GRID1: variants seen among roughly 807,000 people sequenced by gnomAD.
GRID1 encodes glutamate receptor ionotropic, delta-1.
GRID1 carries 28 observed loss-of-function variants against 98.0 expected under a neutral mutation model. That is an observed-to-expected ratio of 0.29 (90% CI 0.21 to 0.39). The LOEUF (loss-of-function observed/expected upper bound fraction) is 0.39. Ranked by LOEUF, GRID1 falls within the 10% of genes least tolerant of loss-of-function variation. GRID1 has a pLI of 1.00. For synonymous variants in GRID1, 553 were observed against 538.5 expected, an observed-to-expected ratio of 1.03 and a Z score of -0.37; for missense variants, 1,111 against 1,340.5, an observed-to-expected ratio of 0.83 and a Z score of 2.67.
intron 8 of GRID1, among the ~76,000 whole-genome samples, chr10:85,829,728 A>C (rs991478248): frequency 1.3e-5 from 2 of 152,118 alleles, no homozygotes; most frequent in Non-Finnish European, 2.9e-5. Context: ...AAATACCTAG[A>C]AATAAAGCTA....
At chr10:85,969,692 C>G (rs1842382897) in intron 4 of GRID1, among the ~76,000 whole-genome samples, 1 of 151,898 alleles carries the variant, frequency 6.6e-6, no homozygotes, top group Non-Finnish European at 1.5e-5. Context: ...GTGACAAAAG[C>G]AGTGCCTAGA....
At chr10:86,117,600 CA>C (rs1844603161) in intron 4 of GRID1, among the ~76,000 whole-genome samples, 1 of 151,790 alleles carries the variant, frequency 6.6e-6, no homozygotes. Context: ...ACATCATTAT[CA>C]TCACCACTAT....
chr10:85,667,326 G>C (rs924416402), intron 12 of GRID1, among the ~76,000 whole-genome samples: 1 of 151,934 alleles, frequency 6.6e-6, no homozygotes, highest in African/African-American at 2.4e-5. Context: ...CAGAGAGAGA[G>C]AGAGAGAGAG....
At chr10:85,969,969 A>G (rs1842385933) in intron 4 of GRID1, among the ~76,000 whole-genome samples, 1 of 152,010 alleles carries the variant, frequency 6.6e-6, no homozygotes, top group South Asian at 2.1e-4. Context: ...TAAAAATTAT[A>G]GAAGATTCAA....
chr10:86,279,936 G>A (rs537272391), intron 2 of GRID1, among the ~76,000 whole-genome samples: 171 of 152,308 alleles, frequency 1.1e-3, no homozygotes, highest in Non-Finnish European at 1.6e-3. Context: ...GGGTGCAGCA[G>A]CTCATGCCTC....
chr10:85,671,831 C>T (rs967542900), intron 12 of GRID1, among the ~76,000 whole-genome samples: 1 of 152,170 alleles, frequency 6.6e-6, no homozygotes, highest in Admixed American at 6.5e-5. Flanking sequence ...AGCAAAAGAG[C>T]CTTATTACTG....
chr10:86,247,798 C>A (rs1433045852), intron 2 of GRID1, among the ~76,000 whole-genome samples: 2 of 152,152 alleles, frequency 1.3e-5, no homozygotes, highest in Non-Finnish European at 2.9e-5. Context: ...CAGCCATGAA[C>A]TAGAGAGGGG....
intron 4 of GRID1, among the ~76,000 whole-genome samples, chr10:86,031,100 G>T (rs576554868): frequency 6.6e-6 from 1 of 152,112 alleles, no homozygotes; most frequent in African/African-American, 2.4e-5. Context: ...GGAGACCTTC[G>T]TTTCCACAGA....
At chr10:85,890,517 A>G (rs1414781770) in intron 5 of GRID1, among the ~76,000 whole-genome samples, 1 of 152,238 alleles carries the variant, frequency 6.6e-6, no homozygotes. Flanking sequence ...TCTTTTGGTC[A>G]TTCACTGTAT....
rs934014910 is a variant in GRID1, at chr10:85,917,632, C to T, written c.727-1393G>A. Among the ~76,000 whole-genome samples the T allele has an allele frequency of 6.6e-5, 10 of 152,342 alleles. No homozygotes were observed. In the South Asian group the frequency reaches 1.0e-3, roughly 16 times the overall value. On this transcript the variant is annotated intron_variant, in intron 4 of 15. Transcript: ENST00000327946. Reference sequence around the variant, plus strand: ...CCCAACAAATGAGGCATGGAGGTGTCGGGGCCTGTGCCAACGACCCCACAA... The same window carrying T: ...CCCAACAAATGAGGCATGGAGGTGTTGGGGCCTGTGCCAACGACCCCACAA...
intron 4 of GRID1, among the ~76,000 whole-genome samples, chr10:86,061,021 C>T (rs907766712): frequency 7.9e-5 from 12 of 152,148 alleles, no homozygotes; most frequent in Non-Finnish European, 1.3e-4. Context: ...TTGCCTGCAC[C>T]ATCCTTCTAG....
chr10:86,310,534 G>C (rs1224893943), intron 2 of GRID1, among the ~76,000 whole-genome samples: 2 of 152,162 alleles, frequency 1.3e-5, no homozygotes, highest in Admixed American at 1.3e-4. Flanking sequence ...TCACAATTGG[G>C]TGCATCAGCC....
intron 8 of GRID1, among the ~76,000 whole-genome samples, chr10:85,828,928 G>A (rs1312844864): frequency 6.6e-6 from 1 of 152,082 alleles, no homozygotes; most frequent in Non-Finnish European, 1.5e-5. Context: ...AAAAAATTGA[G>A]GAGGAGGGAC....
intron 13 of GRID1, among the ~76,000 whole-genome samples, chr10:85,638,256 T>C (rs1843073669): frequency 6.6e-6 from 1 of 152,186 alleles, no homozygotes; most frequent in South Asian, 2.1e-4. Flanking sequence ...GATTCAGTAT[T>C]ATAAAAATAT....
intron 14 of GRID1, among the ~76,000 whole-genome samples, chr10:85,614,725 C>T (rs963744810): frequency 1.3e-5 from 2 of 152,048 alleles, no homozygotes; most frequent in African/African-American, 4.8e-5. Flanking sequence ...AAGGCAGAGC[C>T]CAGAACACAG....
chr10:86,231,756 C>T (rs1190669108), intron 2 of GRID1, among the ~76,000 whole-genome samples: 1 of 152,200 alleles, frequency 6.6e-6, no homozygotes, highest in African/African-American at 2.4e-5. Flanking sequence ...CCTCAATCAG[C>T]ACCTAGTCTG....
At chr10:85,791,830 C>A (rs1239840115) in intron 8 of GRID1, among the ~76,000 whole-genome samples, 1 of 152,058 alleles carries the variant, frequency 6.6e-6, no homozygotes, top group Non-Finnish European at 1.5e-5. Context: ...AAACAACAGA[C>A]AGAGATGAAA....
chr10:85,753,702 A>T (rs949907586), intron 8 of GRID1, among the ~76,000 whole-genome samples: 1 of 152,230 alleles, frequency 6.6e-6, no homozygotes, highest in Non-Finnish European at 1.5e-5. Context: ...CTATGTCCTG[A>T]TAGGTGTAGG....
At chr10:86,108,516 T>C (rs932144617) in intron 4 of GRID1, among the ~76,000 whole-genome samples, 5 of 152,174 alleles carry the variant, frequency 3.3e-5, no homozygotes, top group African/African-American at 1.2e-4. Flanking sequence ...CACATACACA[T>C]GCACACCCAC....
Sources: allele counts gnomAD v4.1 joint callset (sites outside exome capture counted in the v4.1 genomes callset), GRCh38; gene constraint gnomAD v4.1.1; transcripts MANE v1.5; gene names NCBI Gene and HGNC (gene_info 2026-07-23, HGNC 2026-07-21).